CNGB3: variants seen among roughly 807,000 people sequenced by gnomAD.
The protein encoded by CNGB3 is cyclic nucleotide-gated channel beta-3.
Under a neutral mutation model 92.8 loss-of-function variants are expected in CNGB3, and 86 were observed. The ratio of observed to expected loss-of-function variants is 0.93; its 90% CI spans 0.78 to 1.11. CNGB3 has a LOEUF of 1.11. CNGB3 is among the 50% of genes least tolerant of loss of function. The probability of loss-of-function intolerance (pLI) is 0.00; values close to 1 mark genes in which losing one functional copy is unlikely to be tolerated. For missense variants in CNGB3, 1,026 were observed against 956.8 expected (o/e 1.07, Z -0.95); for synonymous variants, 333 against 332.7 (o/e 1.00, Z -0.01).
intron 13 of CNGB3, among the ~76,000 whole-genome samples, chr8:86,625,212 C>T (rs1822823062): frequency 6.6e-6 from 1 of 152,118 alleles, no homozygotes; most frequent in Admixed American, 6.5e-5. Flanking sequence ...GCGTTATCAC[C>T]TCCACACATT....
intron 14 of CNGB3, among the ~76,000 whole-genome samples, chr8:86,608,303 AG>A (rs1460213756): frequency 2.0e-5 from 3 of 152,220 alleles, no homozygotes; most frequent in African/African-American, 7.2e-5. Flanking sequence ...CAAGAGTGCG[AG>A]CCTTCTGTTA....
chr8:86,660,319 C>T, intron 6 of CNGB3: 1 of 350,412 alleles, frequency 2.9e-6, no homozygotes. Context: ...GGGGTTGGGG[C>T]CATATCAGCA....
chr8:86,711,232 T>C (rs1297085372), intron 3 of CNGB3, among the ~76,000 whole-genome samples: 3 of 152,186 alleles, frequency 2.0e-5, no homozygotes, highest in Non-Finnish European at 2.9e-5. Context: ...CCTGTCTCTT[T>C]TGTTATCAGA....
intron 2 of CNGB3, among the ~76,000 whole-genome samples, chr8:86,728,889 C>T (rs991783071): frequency 6.6e-6 from 1 of 151,928 alleles, no homozygotes; most frequent in African/African-American, 2.4e-5. Flanking sequence ...TACTGTAAAA[C>T]ATTTCTTAAA....
At chr8:86,608,311 G>C (rs1822450549) in intron 14 of CNGB3, among the ~76,000 whole-genome samples, 1 of 152,248 alleles carries the variant, frequency 6.6e-6, no homozygotes, top group Admixed American at 6.5e-5. Context: ...CGAGCCTTCT[G>C]TTATGCCCAG....
intron 15 of CNGB3, among the ~76,000 whole-genome samples, chr8:86,597,270 C>A (rs1020582312): frequency 1.3e-5 from 2 of 152,142 alleles, no homozygotes; most frequent in Non-Finnish European, 2.9e-5. Flanking sequence ...TGAGAGGGAG[C>A]ACAACAGCCA....
At chr8:86,726,966 G>T (rs1825070779) in intron 2 of CNGB3, among the ~76,000 whole-genome samples, 1 of 152,104 alleles carries the variant, frequency 6.6e-6, no homozygotes, top group Non-Finnish European at 1.5e-5. Flanking sequence ...TACAAATCCT[G>T]ATGTTATAGC....
At chr8:86,587,018 T>A (rs1821909932) in intron 15 of CNGB3, among the ~76,000 whole-genome samples, 1 of 148,344 alleles carries the variant, frequency 6.7e-6, no homozygotes. Flanking sequence ...GACTTTTTAA[T>A]GATTGCCATT....
chr8:86,635,859 T>C (rs761351423), intron 10 of CNGB3, among the ~76,000 whole-genome samples: 44 of 70,422 alleles, frequency 6.2e-4, no homozygotes, highest in Admixed American at 1.3e-3. Flanking sequence ...TATATATATA[T>C]ATATACACAT....
At chr8:86,712,423 A>G (rs1452819677) in intron 3 of CNGB3, among the ~76,000 whole-genome samples, 1 of 152,020 alleles carries the variant, frequency 6.6e-6, no homozygotes, top group Non-Finnish European at 1.5e-5. Context: ...TGGTTTTATT[A>G]TTTTACATTT....
chr8:86,720,297 G>C (rs973074257), intron 3 of CNGB3, among the ~76,000 whole-genome samples: 4 of 151,758 alleles, frequency 2.6e-5, no homozygotes, highest in Non-Finnish European at 5.9e-5. Context: ...AAACACATCA[G>C]CAAGAAAAAA....
chr8:86,641,237 C>A (rs12550620), intron 10 of CNGB3, among the ~76,000 whole-genome samples: 23,685 of 151,972 alleles, frequency 0.16, 1,940 homozygotes, highest in Admixed American at 0.24. Context: ...ACCCTCAATT[C>A]TGGGAATTGC....
chr8:86,647,805 A>T lies in CNGB3; in HGVS notation c.986T>A (p.Leu329Ter). The T allele has an allele frequency of 6.8e-7, 1 of 1,474,468 alleles. No individual in the cohort carries two copies. Among genetic ancestry groups the T allele is most frequent in the Non-Finnish European group, 9.5e-7 (1 of 1,054,010 alleles). The allele number at this position is 1,474,468 out of a possible 1,614,324, so 91.3% of individuals were successfully genotyped here. ...AATTAAATATAGTTATCTTACCTTTAACATCCTATTTGCTCTAAACATTGG... is the reference window on the plus strand; with the variant it reads ...AATTAAATATAGTTATCTTACCTTTTACATCCTATTTGCTCTAAACATTGG... Reference protein sequence around the residue: ...FNPMFRANRMLKYTSFFEFNH... With the variant: ...FNPMFRANRM The change falls in exon 8 of 18, where the codon TTA becomes TAA. Residue 329 changes from leucine to a stop codon, truncating the protein, a stop_gained. Transcript: ENST00000320005. LOFTEE classifies it high-confidence loss of function.
chr8:86,739,655 C>T lies in CNGB3; in HGVS notation c.211G>A (p.Asp71Asn), dbSNP rs747892967. The T allele has an allele frequency of 6.3e-7, 1 of 1,594,626 alleles. No individual in the cohort carries two copies. Among genetic ancestry groups the T allele is most frequent in the Admixed American group, 1.7e-5 (1 of 57,290 alleles). The change falls in exon 2 of 18, where the codon GAC (aspartate) becomes AAC (asparagine). Residue 71 changes from aspartate to asparagine, a missense_variant and splice_region_variant. Transcript: ENST00000320005. The part of the protein sequence containing the change: ...TSEEPHTNIQ[D>N]KLSKKNSSGD... ...TTTTTTTTTCAGACTGCATTCTGAC[C>T]TTGTATGTTGGTGTGTGGCTCTTCA...
rs546269882 is a variant in CNGB3 at position 86,724,719 on chromosome 8, A to G, written c.338+1812T>C. 3.9e-5 allele frequency among the ~76,000 whole-genome samples: 6 copies of G among 152,252 alleles called. No individual in the cohort carries two copies. The South Asian group carries it at 1.2e-3, about 32-fold the overall frequency. ...AGGAATGTCAGGGAAAGCCTTACAA[A>G]GGAAGTATTGGTCATATTGTTATCT... On this transcript the variant is annotated intron_variant, in intron 3 of 17. Transcript: ENST00000320005.
At chr8:86,611,731 T>A in intron 13 of CNGB3, 60 bp from the exon 14 acceptor site, 1 of 1,176,014 alleles carries the variant, frequency 8.5e-7, no homozygotes, top group South Asian at 1.2e-5. Context: ...TCCAAATGAA[T>A]TCAAAACTCA....
intron 11 of CNGB3, among the ~76,000 whole-genome samples, chr8:86,632,431 A>G (rs577577387): frequency 2.0e-5 from 3 of 152,230 alleles, no homozygotes; most frequent in South Asian, 4.1e-4. Flanking sequence ...TTTTATAACA[A>G]TATTTGAAAT....
At chr8:86,595,933 A>G (rs747515375) in intron 15 of CNGB3, among the ~76,000 whole-genome samples, 18 of 152,194 alleles carry the variant, frequency 1.2e-4, no homozygotes, top group Non-Finnish European at 2.5e-4. Flanking sequence ...AGGTGATTTG[A>G]CTAATGTAAT....
At chr8:86,597,719 A>C (rs1010916680) in intron 15 of CNGB3, among the ~76,000 whole-genome samples, 5 of 152,136 alleles carry the variant, frequency 3.3e-5, no homozygotes, top group Non-Finnish European at 5.9e-5. Context: ...AGTGGCTTGT[A>C]CCTGTAATCC....
Sources: gnomAD v4.1 joint callset for allele counts (sites outside exome capture counted in the v4.1 genomes callset) on GRCh38, gnomAD v4.1.1 for gene constraint, MANE v1.5 for transcripts, NCBI Gene and HGNC (gene_info 2026-07-23, HGNC 2026-07-21) for gene names.